Variants in THOC2 observed in about 807,000 individuals in gnomAD.
THOC2 encodes the protein THO complex 2.
In THOC2, 10 loss-of-function variants were observed where a neutral mutation model predicts 128.4. The ratio of observed to expected loss-of-function variants is 0.08; its 90% CI spans 0.05 to 0.13. The LOEUF (loss-of-function observed/expected upper bound fraction) is 0.13. Ranked by LOEUF, THOC2 falls within the 10% of genes least tolerant of loss-of-function variation. The pLI is 1.00. For missense variants in THOC2, 535 were observed against 1,155.7 expected (o/e 0.46, Z 7.79); for synonymous variants, 393 against 396.9 (o/e 0.99, Z 0.12).
rs143566235 is a variant in THOC2 at position 123,652,354 on chromosome X, C to A, written c.1387-6979G>T. 3.4e-3 allele frequency among the ~76,000 whole-genome samples: 377 copies of A among 111,877 alleles called. 2 individuals are homozygous for A. Among genetic ancestry groups the A allele is most frequent in the African/African-American group, 0.012 (358 of 30,798 alleles). On this transcript the variant is annotated intron_variant, in intron 12 of 38. Coordinates refer to ENST00000245838, the MANE Select transcript of THOC2 (RefSeq NM_001081550.2). ...TGAGTGAGCAAAAGCTGGAAGCATT[C>A]CCTTTGAAAACCAGCACAACACAGG...
intron 8 of THOC2, among the ~76,000 whole-genome samples, chrX:123,672,751 A>C (rs916735720): frequency 1.2e-4 from 13 of 112,207 alleles, no homozygotes; most frequent in African/African-American, 3.9e-4. Flanking sequence ...TTTCAAAGCT[A>C]ATTTTAACAC....
chrX:123,621,407 C>A lies in THOC2; in HGVS notation c.3966G>T (p.Pro1322=), dbSNP rs767192785. Residue 1322 remains proline, a synonymous_variant, in exon 31 of 39, where the codon CCG becomes CCT. Transcript: ENST00000245838. ...ATTTTTCTTTCTCTTTGTCAGACTT[C>A]GGCGTTCTTTCCTTGGTCTCTCTTG... ...EKARETKERT[P]KSDKEKEKFK... 8.3e-7 allele frequency: 1 copy of A among 1,210,855 alleles called. No homozygotes were observed. Among genetic ancestry groups the A allele is most frequent in the South Asian group, 1.8e-5 (1 of 56,864 alleles).
intron 4 of THOC2, among the ~76,000 whole-genome samples, chrX:123,698,383 G>A (rs1050464442): frequency 9.3e-5 from 10 of 108,061 alleles, no homozygotes; most frequent in African/African-American, 3.0e-4. Context: ...GCTTGAACCC[G>A]GGAGGCGGAG....
chrX:123,621,616 A>G, intron 30 of THOC2, 29 bp from the exon 31 acceptor site: 1 of 991,073 alleles, frequency 1.0e-6, no homozygotes. Context: ...GGATTTTAAC[A>G]CAAATAATCA....
At position 123,624,019 on chromosome X, in the gene THOC2, A is replaced by C. The variant is rs767426527; in HGVS notation, c.3318+41T>G. On this transcript the variant is annotated intron_variant, in intron 27 of 38. Transcript: ENST00000245838. Reference sequence around the variant, plus strand: ...CATTATTATAAAAGCACAAGTATACAGAGAAAAATTTGCCTTTGAAAAATC... The same window carrying C: ...CATTATTATAAAAGCACAAGTATACCGAGAAAAATTTGCCTTTGAAAAATC... The C allele has an allele frequency of 4.2e-6, 5 of 1,182,820 alleles. No individual in the cohort carries two copies. The African/African-American group carries it at 7.2e-5, about 17-fold the overall frequency.
chrX:123,666,246 A>T (rs1379997954), intron 11 of THOC2, among the ~76,000 whole-genome samples: 1 of 112,474 alleles, frequency 8.9e-6, no homozygotes, highest in Non-Finnish European at 1.9e-5. Flanking sequence ...GAAACAGAAA[A>T]ATATGGATAT....
At chrX:123,704,458 C>T (rs2050842496) in intron 3 of THOC2, among the ~76,000 whole-genome samples, 1 of 111,773 alleles carries the variant, frequency 8.9e-6, no homozygotes, top group Non-Finnish European at 1.9e-5. Flanking sequence ...GAACACAGTA[C>T]TCAATAGGTA....
At chrX:123,732,391 G>C (rs2071752) in intron 1 of THOC2, among the ~76,000 whole-genome samples, 37,547 of 111,662 alleles carry the variant, frequency 0.34, 4,886 homozygotes, top group South Asian at 0.55. Flanking sequence ...ACCGCTCCCC[G>C]GGAGGGCGAG....
chrX:123,630,389 G>A (rs776692706), intron 22 of THOC2, among the ~76,000 whole-genome samples: 4 of 110,704 alleles, frequency 3.6e-5, no homozygotes, highest in Non-Finnish European at 7.6e-5. Context: ...AAGGCAGGCG[G>A]ATCACCTGAG....
chrX:123,721,834 T>C (rs2051715620), intron 1 of THOC2, among the ~76,000 whole-genome samples: 1 of 111,073 alleles, frequency 9.0e-6, no homozygotes, highest in South Asian at 3.8e-4. Flanking sequence ...TTCAATAGCC[T>C]ATATGATGAA....
Position 123,730,410 on chromosome X carries a change from T to G in THOC2, c.71+2542A>C, listed in dbSNP as rs1456870088. Among the ~76,000 whole-genome samples the G allele has an allele frequency of 3.6e-5, 4 of 111,284 alleles. No homozygotes were observed. In the East Asian group the frequency reaches 1.1e-3, roughly 32 times the overall value. On this transcript the variant is annotated intron_variant, in intron 1 of 38. Coordinates refer to ENST00000245838, the MANE Select transcript of THOC2 (RefSeq NM_001081550.2). The stretch of plus-strand genomic sequence containing the variant: ...TCAGGCTTGTCTGGAACTCCTGACC[T>G]CAGGTGATCCACCCGCCTCGGCCTC...
chrX:123,635,030 G>A (rs966585007), intron 19 of THOC2, among the ~76,000 whole-genome samples: 2 of 111,744 alleles, frequency 1.8e-5, no homozygotes, highest in African/African-American at 6.5e-5. Flanking sequence ...GCTAATAGAC[G>A]AAAGAACCAT....
chrX:123,683,784 G>C (rs2049890089), intron 8 of THOC2, among the ~76,000 whole-genome samples: 1 of 110,082 alleles, frequency 9.1e-6, no homozygotes, highest in South Asian at 3.9e-4. Context: ...ATTTTTAGTA[G>C]AGACAAGGTT....
At chrX:123,614,431 T>C (rs1334447229) in intron 33 of THOC2, among the ~76,000 whole-genome samples, 2 of 110,358 alleles carry the variant, frequency 1.8e-5, no homozygotes, top group African/African-American at 3.3e-5. Flanking sequence ...TGAGACTCAT[T>C]AGTAAATTCA....
chrX:123,686,130 T>C (rs2049993188), intron 8 of THOC2, among the ~76,000 whole-genome samples: 2 of 112,101 alleles, frequency 1.8e-5, no homozygotes, highest in South Asian at 7.4e-4. Context: ...TGTCCCTTCT[T>C]TTCCCATCTT....
chrX:123,699,043 A>T (rs1369198396), intron 4 of THOC2, among the ~76,000 whole-genome samples: 1 of 111,819 alleles, frequency 8.9e-6, no homozygotes, highest in African/African-American at 3.3e-5. Context: ...GAAGAAAAAA[A>T]ACAATTAGTG....
chrX:123,624,805 C>T (rs2047201516), intron 25 of THOC2, 136 bp from the exon 26 acceptor site: 5 of 514,107 alleles, frequency 9.7e-6, no homozygotes, highest in Non-Finnish European at 1.4e-5. Flanking sequence ...TATATAATGA[C>T]ACTGCAGAGA....
intron 1 of THOC2, among the ~76,000 whole-genome samples, chrX:123,715,852 G>C (rs2051393650): frequency 1.1e-5 from 1 of 94,345 alleles, no homozygotes; most frequent in South Asian, 4.7e-4. Flanking sequence ...TTTAAAAAAA[G>C]ATCAACAAAA....
At chrX:123,725,439 A>AT (rs2051913806) in intron 1 of THOC2, among the ~76,000 whole-genome samples, 1 of 106,141 alleles carries the variant, frequency 9.4e-6, no homozygotes, top group African/African-American at 3.5e-5. Flanking sequence ...AAAAAAAAAA[A>AT]AAAAATAGAA....
Sources: allele counts gnomAD v4.1 joint callset (sites outside exome capture counted in the v4.1 genomes callset), GRCh38; gene constraint gnomAD v4.1.1; transcripts MANE v1.5; gene names NCBI Gene and HGNC (gene_info 2026-07-23, HGNC 2026-07-21).